The following ZFHX3 variants were observed in gnomAD, a reference collection of about 807,000 sequenced individuals.
ZFHX3 encodes zinc finger homeobox 3.
In ZFHX3, 42 loss-of-function variants were observed where a neutral mutation model predicts 279.1. The ratio of observed to expected loss-of-function variants is 0.15; its 90% CI spans 0.12 to 0.19. The LOEUF (loss-of-function observed/expected upper bound fraction) is 0.19. Among genes scored for constraint, ZFHX3 ranks in the 10% least tolerant of loss-of-function variants. ZFHX3 has a pLI of 1.00. For synonymous variants in ZFHX3, 2,293 were observed against 1,957.8 expected (o/e 1.17, Z -4.52); for missense variants, 4,981 against 4,754.0 (o/e 1.05, Z -1.40).
chr16:73,056,539 C>G (rs953863679), intron 1 of ZFHX3, among the ~76,000 whole-genome samples: 1 of 151,968 alleles, frequency 6.6e-6, no homozygotes, highest in African/African-American at 2.4e-5. Flanking sequence ...GAAACCCCCA[C>G]ATGTAAACAG....
At chr16:73,694,464 C>G (rs1338425449) in intron 1 of ZFHX3, among the ~76,000 whole-genome samples, 1 of 152,048 alleles carries the variant, frequency 6.6e-6, no homozygotes, top group Non-Finnish European at 1.5e-5. Context: ...CTGCCTCACC[C>G]TCCTGAGTAG....
intron 1 of ZFHX3, among the ~76,000 whole-genome samples, chr16:72,961,207 C>T (rs1013945999): frequency 1.3e-5 from 2 of 149,870 alleles, no homozygotes; most frequent in East Asian, 2.0e-4. Flanking sequence ...CAAGCCGAGA[C>T]GGCAGCTGGG....
intron 4 of ZFHX3, among the ~76,000 whole-genome samples, chr16:73,277,941 G>A (rs990054924): frequency 5.3e-5 from 8 of 152,062 alleles, no homozygotes; most frequent in African/African-American, 9.7e-5. Context: ...TTAAACAACA[G>A]GATCTCATGA....
exon 6 of ZFHX3, chr16:73,143,794 G>A (rs1483479017): frequency 4.6e-6 from 6 of 1,305,228 alleles, no homozygotes; most frequent in Middle Eastern, 2.1e-4. Context: ...AATAGCGCTA[G>A]GCTAGACTTC....
chr16:73,634,951 G>C (rs141201734), intron 2 of ZFHX3, among the ~76,000 whole-genome samples: 1 of 152,048 alleles, frequency 6.6e-6, no homozygotes, highest in East Asian at 1.9e-4. Flanking sequence ...TGAAAGTACA[G>C]GTCTACCAAA....
In ZFHX3 at chr16:72,787,716, GCCACCGCCGCCGCCGCCGCCACTGCCA is replaced by G; in HGVS notation, c.10533_10559del (p.Ser3513_Gly3521del). 4.4e-6 allele frequency: 6 copies of G among 1,371,986 alleles called. 1 individual carries two copies. In the Middle Eastern group the frequency reaches 6.0e-4, roughly 137 times the overall value. The allele number at this position is 1,371,986 out of a possible 1,614,324, so 85.0% of individuals were successfully genotyped here. On this transcript the variant is annotated inframe_deletion, in exon 10 of 10. Transcript: ENST00000268489. ...ACGAGCCGCCGCCGCCGCCGCCGCC[GCCACCGCCGCCGCCGCCGCCACTGCCA>G]CCGCCGCCGCCGCCGGTGGGGACGT...
rs142399252 is a variant in ZFHX3 at position 73,020,365 on chromosome 16, A to C, written c.-50+27387T>G. ...TGATGTTGCTATCACACTATCAAAA[A>C]GTAAAGACATACTTCTGATTTCTCA... On this transcript the variant is annotated intron_variant, in intron 1 of 9. Coordinates refer to ENST00000268489, the MANE Select transcript of ZFHX3 (RefSeq NM_006885.4). 5.9e-5 allele frequency among the ~76,000 whole-genome samples: 9 copies of C among 151,916 alleles called. No homozygotes were observed. In the East Asian group the frequency reaches 1.7e-3, roughly 29 times the overall value.
At chr16:73,574,229 A>G (rs1215170811) in intron 2 of ZFHX3, among the ~76,000 whole-genome samples, 1 of 152,226 alleles carries the variant, frequency 6.6e-6, no homozygotes, top group African/African-American at 2.4e-5. Context: ...GAAGCCCTCT[A>G]AAGAAATCAC....
At chr16:72,898,797 T>C (rs1201595163) in intron 3 of ZFHX3, among the ~76,000 whole-genome samples, 1 of 150,488 alleles carries the variant, frequency 6.6e-6, no homozygotes, top group Non-Finnish European at 1.5e-5. Flanking sequence ...TAGTAAATGC[T>C]ATGCATGCAT....
rs144080826 is a variant in ZFHX3 at position 73,717,830 on chromosome 16, C to T, written c.-1607-37590G>A. Among the ~76,000 whole-genome samples, 414 of 152,218 alleles carry T rather than the reference C, an allele frequency of 2.7e-3. 1 individual carries two copies. The highest frequency in any genetic ancestry group is 7.1e-3 in the South Asian group (34 of 4,814). ...TTTTTACGAGACATTGTTCCAGAGG[C>T]GGACATTGTGCAGTTCCAGAACTGC... On this transcript the variant is annotated intron_variant, in intron 1 of 17. Transcript: ENST00000641206.
In ZFHX3 at chr16:72,926,591, T is replaced by C. The variant is rs557663303; in HGVS notation, c.3216+23878A>G. 4.6e-5 allele frequency among the ~76,000 whole-genome samples: 7 copies of C among 152,334 alleles called. No individual in the cohort carries two copies. The South Asian group carries it at 1.5e-3, about 32-fold the overall frequency. ...AGTATGGATACTAATTGTTTTAATA[T>C]GGGCATTATTCGCACATGAAACTAG... On this transcript the variant is annotated intron_variant, in intron 3 of 9. Coordinates refer to ENST00000268489, the MANE Select transcript of ZFHX3 (RefSeq NM_006885.4).
chr16:72,913,498 C>A (rs777636220), intron 3 of ZFHX3, among the ~76,000 whole-genome samples: 8 of 152,172 alleles, frequency 5.3e-5, no homozygotes, highest in Non-Finnish European at 1.2e-4. Context: ...AGGGGAAGGA[C>A]CCTTCCCATC....
intron 4 of ZFHX3, among the ~76,000 whole-genome samples, chr16:73,279,840 C>T (rs1325264935): frequency 2.0e-5 from 3 of 152,122 alleles, no homozygotes; most frequent in African/African-American, 7.2e-5. Flanking sequence ...TAAGACACTG[C>T]AACAAATTAA....
intron 3 of ZFHX3, among the ~76,000 whole-genome samples, chr16:73,357,168 G>A (rs1438084397): frequency 4.6e-5 from 7 of 151,610 alleles, no homozygotes; most frequent in African/African-American, 1.7e-4. Context: ...TTCTATTTCT[G>A]GGAAAACCCA....
At chr16:73,189,137 C>T (rs1967976759) in intron 5 of ZFHX3, among the ~76,000 whole-genome samples, 1 of 152,210 alleles carries the variant, frequency 6.6e-6, no homozygotes, top group South Asian at 2.1e-4. Context: ...GCTGGGATTA[C>T]AGGCATGAGC....
At chr16:73,179,033 A>G (rs1335223909) in intron 5 of ZFHX3, among the ~76,000 whole-genome samples, 1 of 152,182 alleles carries the variant, frequency 6.6e-6, no homozygotes, top group Non-Finnish European at 1.5e-5. Context: ...CAACATAACC[A>G]AAGATTTTAT....
intron 3 of ZFHX3, chr16:73,402,275 AG>A (rs2017271800): frequency 6.6e-6 from 1 of 152,228 alleles, no homozygotes; most frequent in Non-Finnish European, 1.5e-5. Context: ...TAACTTCCAA[AG>A]GGAACCCTTG....
At chr16:73,529,945 G>GTT (rs1215032018) in intron 2 of ZFHX3, among the ~76,000 whole-genome samples, 1 of 151,904 alleles carries the variant, frequency 6.6e-6, no homozygotes, top group East Asian at 1.9e-4. Flanking sequence ...GGGTGTGTGT[G>GTT]TGTGTTGGGG....
chr16:73,070,156 C>G (rs9926081), intron 8 of ZFHX3, among the ~76,000 whole-genome samples: 4,811 of 152,288 alleles, frequency 0.032, 245 homozygotes, highest in African/African-American at 0.11. Flanking sequence ...TGTGGGGTCT[C>G]CATTCCTTCC....
Sources: allele counts gnomAD v4.1 joint callset (sites outside exome capture counted in the v4.1 genomes callset), GRCh38; gene constraint gnomAD v4.1.1; transcripts MANE v1.5; gene names NCBI Gene and HGNC (gene_info 2026-07-23, HGNC 2026-07-21).